The following FEZ2 variants were observed in gnomAD, a reference collection of about 807,000 sequenced individuals.
FEZ2 encodes the protein fasciculation and elongation protein zeta 2, also known as fasciculation and elongation protein zeta-2.
In FEZ2, 51 loss-of-function variants were observed where a neutral mutation model predicts 40.4. That is an observed-to-expected ratio of 1.26 (90% CI 1.01 to 1.59). The LOEUF is 1.59. Among genes scored for constraint, FEZ2 ranks in the 40% most tolerant of loss-of-function variants. The pLI is 0.00. For synonymous variants in FEZ2, 242 were observed against 172.0 expected (o/e 1.41, Z -3.18); for missense variants, 640 against 438.3 (o/e 1.46, Z -4.11).
chr2:36,598,009 TCGGCGC>T lies in FEZ2; in HGVS notation c.128_133del (p.Gly43_Ala44del). ...GCTGCAGGCCGGGGCCGGGAAACCG[TCGGCGC>T]CCCCACCCGCCTCGGCCCCCGCCTC... is the stretch of plus-strand genomic sequence containing the variant. On this transcript the variant is annotated inframe_deletion, in exon 1 of 8. Coordinates refer to ENST00000405912, the MANE Select transcript of FEZ2 (RefSeq NM_005102.3). 1.3e-6 allele frequency: 2 copies of T among 1,495,448 alleles called. No homozygotes were observed. 92.6% of individuals were successfully genotyped at this position (1,495,448 alleles called of 1,614,324 possible). A position where few individuals can be genotyped will look rare whatever the true frequency, so the allele number is the denominator to read the frequency against.
intron 5 of FEZ2, among the ~76,000 whole-genome samples, chr2:36,561,722 G>A (rs188604562): frequency 1.3e-5 from 2 of 151,952 alleles, no homozygotes; most frequent in Non-Finnish European, 2.9e-5. Flanking sequence ...AAGGGGAAAG[G>A]CTTCGTGAAA....
intron 3 of FEZ2, among the ~76,000 whole-genome samples, chr2:36,582,328 A>T (rs1340676119): frequency 6.6e-6 from 1 of 152,224 alleles, no homozygotes; most frequent in East Asian, 1.9e-4. Flanking sequence ...ATTTCCACCA[A>T]GGAAAAACAA....
At chr2:36,570,139 A>T (rs1340377884) in intron 5 of FEZ2, among the ~76,000 whole-genome samples, 1 of 152,090 alleles carries the variant, frequency 6.6e-6, no homozygotes, top group Admixed American at 6.5e-5. Flanking sequence ...TTAAGATGTA[A>T]AAGTAATATC....
intron 1 of FEZ2, among the ~76,000 whole-genome samples, chr2:36,596,139 T>C (rs893879612): frequency 3.3e-5 from 5 of 152,204 alleles, no homozygotes; most frequent in African/African-American, 9.7e-5. Context: ...TGCATGTGTG[T>C]ATAAAATCCA....
intron 5 of FEZ2, among the ~76,000 whole-genome samples, chr2:36,568,648 G>A (rs1427206868): frequency 6.6e-6 from 1 of 152,208 alleles, no homozygotes; most frequent in Non-Finnish European, 1.5e-5. Context: ...CCATTTGTGA[G>A]CAGGGAAATG....
rs369727165 is a variant in FEZ2 at position 36,563,523 on chromosome 2, GA to G, written c.904-5011del. Among the ~76,000 whole-genome samples the G allele has an allele frequency of 9.6e-4, 133 of 137,842 alleles. 1 individual carries two copies. The highest frequency in any genetic ancestry group is 2.6e-3 in the South Asian group (11 of 4,208). The allele number at this position is 137,842 out of a possible 152,430, so 90.4% of individuals were successfully genotyped here. A position where few individuals can be genotyped will look rare whatever the true frequency, so the allele number is the denominator to read the frequency against. On this transcript the variant is annotated intron_variant, in intron 5 of 7. Coordinates refer to ENST00000405912, the MANE Select transcript of FEZ2 (RefSeq NM_005102.3). ...TCAGAAGGTTCTACAGGAAAAAAAA[GA>G]AAAAAAAAAAAAACTAAAATCTACG...
At chr2:36,554,866 G>A (rs1168453575) in intron 7 of FEZ2, among the ~76,000 whole-genome samples, 2 of 152,198 alleles carry the variant, frequency 1.3e-5, no homozygotes, top group Non-Finnish European at 2.9e-5. Context: ...GGAGAAGAGA[G>A]AGAACCCAGA....
chr2:36,569,227 A>G (rs1415711766), intron 5 of FEZ2, among the ~76,000 whole-genome samples: 1 of 152,244 alleles, frequency 6.6e-6, no homozygotes, highest in Non-Finnish European at 1.5e-5. Flanking sequence ...AATATTCAAA[A>G]AAGTATTGGC....
At chr2:36,571,455 G>A (rs568033167) in intron 5 of FEZ2, among the ~76,000 whole-genome samples, 1 of 152,146 alleles carries the variant, frequency 6.6e-6, no homozygotes, top group Admixed American at 6.5e-5. Flanking sequence ...GAGGCCAGTA[G>A]TTCAAGACCA....
chr2:36,591,175 A>C, intron 1 of FEZ2, 164 bp from the exon 2 acceptor site: 1 of 604,530 alleles, frequency 1.7e-6, no homozygotes, highest in Non-Finnish European at 2.9e-6. Context: ...CTCCTAAACA[A>C]AAACGAGGTG....
At chr2:36,572,836 T>C (rs1573013252) in intron 5 of FEZ2, among the ~76,000 whole-genome samples, 1 of 152,200 alleles carries the variant, frequency 6.6e-6, no homozygotes, top group African/African-American at 2.4e-5. Context: ...TAACATGAGC[T>C]GAGTCACAGA....
At chr2:36,575,541 G>A (rs1668544358) in intron 5 of FEZ2, among the ~76,000 whole-genome samples, 1 of 152,148 alleles carries the variant, frequency 6.6e-6, no homozygotes, top group African/African-American at 2.4e-5. Flanking sequence ...CTTGCTGAAT[G>A]AATGAATATT....
At chr2:36,581,614 C>A in intron 3 of FEZ2, 183 bp from the exon 4 acceptor site, 1 of 569,710 alleles carries the variant, frequency 1.8e-6, no homozygotes, top group Non-Finnish European at 3.2e-6. Context: ...CATGGTTTAT[C>A]AAGAAAAAAT....
chr2:36,558,533 A>T lies in FEZ2; in HGVS notation c.904-20T>A, dbSNP rs1352326228. The T allele has an allele frequency of 2.1e-6, 3 of 1,451,666 alleles. No homozygotes were observed. The highest frequency in any genetic ancestry group is 2.8e-6 in the Non-Finnish European group (3 of 1,082,706). The allele number at this position is 1,451,666 out of a possible 1,614,324, so 89.9% of individuals were successfully genotyped here. On this transcript the variant is annotated intron_variant, in intron 5 of 7. Transcript: ENST00000405912. Reference sequence around the variant, plus strand: ...CAAATACTGCCAAGTTTAAAAAAAAAAAGTGTCACTTAAATCGGAATTACC... The same window carrying T: ...CAAATACTGCCAAGTTTAAAAAAAATAAGTGTCACTTAAATCGGAATTACC...
At chr2:36,572,781 G>A (rs1393022117) in intron 5 of FEZ2, among the ~76,000 whole-genome samples, 3 of 152,164 alleles carry the variant, frequency 2.0e-5, no homozygotes, top group Non-Finnish European at 4.4e-5. Context: ...CCAGGTCCAT[G>A]TTGTTTTAAA....
At chr2:36,587,393 T>C (rs1193087854) in intron 2 of FEZ2, among the ~76,000 whole-genome samples, 2 of 152,166 alleles carry the variant, frequency 1.3e-5, no homozygotes, top group Non-Finnish European at 2.9e-5. Flanking sequence ...TGCCAAGCAT[T>C]CCCATCACTC....
chr2:36,589,039 T>C (rs952570666), intron 2 of FEZ2, among the ~76,000 whole-genome samples: 2 of 152,260 alleles, frequency 1.3e-5, no homozygotes, highest in Non-Finnish European at 2.9e-5. Context: ...TTTTAAAACC[T>C]TTCTATCACG....
At chr2:36,573,016 C>T (rs998014201) in intron 5 of FEZ2, among the ~76,000 whole-genome samples, 7 of 152,146 alleles carry the variant, frequency 4.6e-5, no homozygotes, top group Non-Finnish European at 7.3e-5. Flanking sequence ...TACCGTTAGT[C>T]ACTGATTGCT....
intron 5 of FEZ2, among the ~76,000 whole-genome samples, chr2:36,567,660 G>C (rs911130920): frequency 1.3e-5 from 2 of 151,954 alleles, no homozygotes; most frequent in African/African-American, 4.8e-5. Context: ...TACTCGAGAG[G>C]CTCAGGCAGG....
Sources: gnomAD v4.1 joint callset for allele counts (sites outside exome capture counted in the v4.1 genomes callset) on GRCh38, gnomAD v4.1.1 for gene constraint, MANE v1.5 for transcripts, NCBI Gene and HGNC (gene_info 2026-07-23, HGNC 2026-07-21) for gene names.